The following EGFR variants were observed in gnomAD, a reference collection of about 807,000 sequenced individuals.
EGFR encodes the protein epidermal growth factor receptor.
In EGFR, 58 loss-of-function variants were observed where a neutral mutation model predicts 143.0. That is an observed-to-expected ratio of 0.41 (90% CI 0.33 to 0.50). The LOEUF (loss-of-function observed/expected upper bound fraction) is 0.50. Among genes scored for constraint, EGFR ranks in the 20% least tolerant of loss-of-function variants. EGFR has a pLI of 0.39. For synonymous variants in EGFR, 613 were observed against 594.4 expected (o/e 1.03, Z -0.45); for missense variants, 1,307 against 1,579.0 (o/e 0.83, Z 2.92).
rs1389422679 is a variant in EGFR, at chr7:55,209,755, T to C, written c.*4138T>C. The C allele has an allele frequency of 6.6e-6, 1 of 152,238 alleles. No homozygotes were observed. The highest frequency in any genetic ancestry group is 1.9e-4 in the East Asian group (1 of 5,202). The allele number at this position is 152,238 out of a possible 1,614,324, so 9.4% of individuals were successfully genotyped here. On this transcript the variant is annotated 3_prime_UTR_variant, in exon 28 of 28. Transcript: ENST00000275493. The stretch of plus-strand genomic sequence containing the variant: ...AAATGTAAATCTATTTTTGTAACTT[T>C]GTTGCGGGATATAGTTCTCTTTATG...
chr7:55,060,352 A>G (rs567207730), intron 1 of EGFR, among the ~76,000 whole-genome samples: 1 of 152,254 alleles, frequency 6.6e-6, no homozygotes, highest in South Asian at 2.1e-4. Context: ...TCCCTTCTGG[A>G]TTATTTCCTT....
At chr7:55,161,284 A>G (rs983159744) in intron 12 of EGFR, among the ~76,000 whole-genome samples, 1 of 152,206 alleles carries the variant, frequency 6.6e-6, no homozygotes, top group African/African-American at 2.4e-5. Flanking sequence ...GGCACATTTC[A>G]GTCTTCCCAG....
At chr7:55,128,175 A>T (rs1366431917) in intron 1 of EGFR, among the ~76,000 whole-genome samples, 2 of 152,080 alleles carry the variant, frequency 1.3e-5, no homozygotes, top group Non-Finnish European at 2.9e-5. Flanking sequence ...CTTCATTACC[A>T]CGAGTCTCCT....
At position 55,156,865 on chromosome 7, in the gene EGFR, G is replaced by C. The variant is rs765945520; in HGVS notation, c.1207+33G>C. 5 of 1,614,052 alleles carry C rather than the reference G, an allele frequency of 3.1e-6. No homozygotes were observed. In the Admixed American group the frequency reaches 8.3e-5, roughly 27 times the overall value. On this transcript the variant is annotated intron_variant, in intron 10 of 27. Transcript: ENST00000275493. ...CTGAATTATCACATGAATATAAATG[G>C]GAAATCAGTGTTTTAGAGAGAGAAC... is the stretch of plus-strand genomic sequence containing the variant.
chr7:55,205,543 T>C lies in EGFR; in HGVS notation c.3559T>C (p.Phe1187Leu). The change falls in exon 28 of 28, where the codon TTT becomes CTT. Residue 1187 changes from phenylalanine to leucine, a missense_variant. Transcript: ENST00000275493. ...CAAGGAAGCCAAGCCAAATGGCATC[T>C]TTAAGGGCTCCACAGCTGAAAATGC... is the stretch of plus-strand genomic sequence containing the variant. ...FPKEAKPNGI[F>L]KGSTAENAEY... 1 of 1,614,222 alleles carries C rather than the reference T, an allele frequency of 6.2e-7. No homozygotes were observed. Among genetic ancestry groups the C allele is most frequent in the Middle Eastern group, 1.6e-4 (1 of 6,062 alleles).
intron 1 of EGFR, among the ~76,000 whole-genome samples, chr7:55,129,827 T>TAGAAAGTATAGGATGCAAAGTATA (rs1793733181): frequency 1.3e-5 from 2 of 152,322 alleles, no homozygotes; most frequent in South Asian, 4.1e-4. Context: ...ACCAGGTCTG[T>TAGAAAGTATAGGATGCAAAGTATA]CTTCTAGAAA....
rs777959179 is a variant in EGFR, at chr7:55,156,792, A to T, written c.1167A>T (p.Pro389=). 6.2e-7 allele frequency: 1 copy of T among 1,614,240 alleles called. No homozygotes were observed. Among genetic ancestry groups the T allele is most frequent in the Non-Finnish European group, 8.5e-7 (1 of 1,180,048 alleles). The change falls in exon 10 of 28, where the codon CCA becomes CCT. Residue 389 remains proline (P), a synonymous_variant. Transcript: ENST00000275493. ...TCACACATACTCCTCCTCTGGATCC[A>T]CAGGAACTGGATATTCTGAAAACCG... ...DSFTHTPPLD[P]QELDILKTVK...
At chr7:55,192,301 A>G (rs981878775) in intron 21 of EGFR, among the ~76,000 whole-genome samples, 2 of 152,124 alleles carry the variant, frequency 1.3e-5, no homozygotes, top group African/African-American at 4.8e-5. Flanking sequence ...ACAGGCAGCA[A>G]TGGAGTCCTT....
At chr7:55,160,397 AT>A in intron 12 of EGFR, 59 bp downstream of exon 12, 1 of 1,538,318 alleles carries the variant, frequency 6.5e-7, no homozygotes, top group Non-Finnish European at 8.9e-7. Flanking sequence ...CTTTATTTGT[AT>A]TTAGAATATT....
chr7:55,144,036 A>T (rs1370868202), intron 3 of EGFR, among the ~76,000 whole-genome samples: 1 of 152,186 alleles, frequency 6.6e-6, no homozygotes, highest in Non-Finnish European at 1.5e-5. Flanking sequence ...ATAGAAAAGA[A>T]GGGAAATTGA....
intron 1 of EGFR, among the ~76,000 whole-genome samples, chr7:55,092,386 A>C (rs995870234): frequency 4.6e-5 from 7 of 152,202 alleles, no homozygotes; most frequent in Admixed American, 4.6e-4. Context: ...CAGTGGTATT[A>C]GTCCCTGCCT....
chr7:55,122,956 G>T (rs1399862209), intron 1 of EGFR, among the ~76,000 whole-genome samples: 2 of 152,196 alleles, frequency 1.3e-5, no homozygotes, highest in African/African-American at 2.4e-5. Flanking sequence ...TTGATGAATT[G>T]ATTAATTAAT....
In EGFR at chr7:55,151,056, G is replaced by A. The variant is rs10251695; in HGVS notation, c.560-238G>A. Among the ~76,000 whole-genome samples, 3,574 of 152,290 alleles carry A rather than the reference G, an allele frequency of 0.023. 128 individuals carry two copies. The highest frequency in any genetic ancestry group is 0.079 in the African/African-American group (3,261 of 41,524). On this transcript the variant is annotated intron_variant, in intron 4 of 27. Transcript: ENST00000275493. ...ATTCTTGCTTATGTGGCCCATGTCA[G>A]TAATTACTCTCTGCCTCAGTTTCCG...
chr7:55,095,958 C>G (rs144549488), intron 1 of EGFR, among the ~76,000 whole-genome samples: 49 of 151,802 alleles, frequency 3.2e-4, no homozygotes, highest in Middle Eastern at 6.8e-3. Flanking sequence ...CAGACACAGA[C>G]AGACATACAC....
At chr7:55,064,089 C>T (rs1202367980) in intron 1 of EGFR, among the ~76,000 whole-genome samples, 1 of 152,110 alleles carries the variant, frequency 6.6e-6, no homozygotes, top group East Asian at 1.9e-4. Context: ...AAGAGAACCT[C>T]TATTTTTGAT....
intron 1 of EGFR, among the ~76,000 whole-genome samples, chr7:55,126,670 A>G (rs1793540014): frequency 6.6e-6 from 1 of 152,238 alleles, no homozygotes; most frequent in East Asian, 1.9e-4. Flanking sequence ...AGTCACACAT[A>G]TAAAAGGGAT....
chr7:55,072,566 G>A (rs1293253908), intron 1 of EGFR, among the ~76,000 whole-genome samples: 3 of 152,146 alleles, frequency 2.0e-5, no homozygotes, highest in Admixed American at 2.0e-4. Context: ...CCCTTTTTTA[G>A]GGAAGTGATT....
chr7:55,056,643 G>T (rs1237772040), intron 1 of EGFR, among the ~76,000 whole-genome samples: 2 of 152,274 alleles, frequency 1.3e-5, no homozygotes, highest in Non-Finnish European at 2.9e-5. Context: ...TAGTCTATTT[G>T]TCTCTCAGTC....
chr7:55,153,103 C>A (rs1013336159), intron 6 of EGFR, among the ~76,000 whole-genome samples: 7 of 152,210 alleles, frequency 4.6e-5, no homozygotes, highest in African/African-American at 1.7e-4. Context: ...CCTAAGAGAC[C>A]CATGGAGAGC....
Sources: gnomAD v4.1 joint callset for allele counts (sites outside exome capture counted in the v4.1 genomes callset) on GRCh38, gnomAD v4.1.1 for gene constraint, MANE v1.5 for transcripts, NCBI Gene and HGNC (gene_info 2026-07-23, HGNC 2026-07-21) for gene names.